ATP10A: variants seen among roughly 807,000 people sequenced by gnomAD.
The protein encoded by ATP10A is ATPase phospholipid transporting 10A (putative).
A neutral mutation model predicts 147.8 loss-of-function variants in ATP10A; 111 were observed. The ratio of observed to expected loss-of-function variants is 0.75; its 90% CI spans 0.64 to 0.88. The LOEUF is 0.88. ATP10A is among the 40% of genes least tolerant of loss of function. ATP10A has a pLI of 0.00. For missense variants in ATP10A, 1,927 were observed against 1,959.0 expected (o/e 0.98, Z 0.31); for synonymous variants, 875 against 841.6 (o/e 1.04, Z -0.69).
At chr15:25,719,233 C>T (rs17556078) in intron 7 of ATP10A, among the ~76,000 whole-genome samples, 18,456 of 152,096 alleles carry the variant, frequency 0.12, 1,248 homozygotes, top group Non-Finnish European at 0.13. Flanking sequence ...GTCAAGAGGC[C>T]GGAGAAGGAG....
At chr15:25,838,646 C>T (rs561452265) in intron 1 of ATP10A, among the ~76,000 whole-genome samples, 1 of 152,310 alleles carries the variant, frequency 6.6e-6, no homozygotes, top group South Asian at 2.1e-4. Flanking sequence ...TTTTGATTTT[C>T]TGCATCTTTA....
At chr15:25,792,620 C>T (rs867691323) in intron 1 of ATP10A, among the ~76,000 whole-genome samples, 6 of 152,200 alleles carry the variant, frequency 3.9e-5, no homozygotes, top group African/African-American at 9.7e-5. Context: ...CCCAACCCCC[C>T]AAGCACTGGC....
chr15:25,707,355 C>T (rs1433261609), intron 12 of ATP10A, among the ~76,000 whole-genome samples: 1 of 152,078 alleles, frequency 6.6e-6, no homozygotes, highest in East Asian at 1.9e-4. Context: ...GGACCATCCT[C>T]AACACCAGCT....
rs75567716 is a variant in ATP10A at position 25,719,206 on chromosome 15, C to T, written c.1364-807G>A. On this transcript the variant is annotated intron_variant, in intron 7 of 20. Coordinates refer to ENST00000555815, the MANE Select transcript of ATP10A (RefSeq NM_024490.4). ...TTCAAGCACAGGCATGGTGCTGAGTCAAAGCAGCAGGGGCCTGTCAAGAGG... is the reference window on the plus strand; with the variant it reads ...TTCAAGCACAGGCATGGTGCTGAGTTAAAGCAGCAGGGGCCTGTCAAGAGG... Among the ~76,000 whole-genome samples the T allele has an allele frequency of 2.7e-3, 409 of 152,248 alleles. 2 individuals carry two copies. Among genetic ancestry groups the T allele is most frequent in the African/African-American group, 9.4e-3 (389 of 41,548 alleles).
chr15:25,814,593 C>G (rs1417563279), intron 1 of ATP10A, among the ~76,000 whole-genome samples: 1 of 152,206 alleles, frequency 6.6e-6, no homozygotes, highest in East Asian at 1.9e-4. Context: ...TCTGTTTCTT[C>G]AAAATCGCTC....
intron 3 of ATP10A, among the ~76,000 whole-genome samples, chr15:25,733,417 C>CA (rs1371436703): frequency 2.3e-4 from 35 of 152,170 alleles, no homozygotes; most frequent in Non-Finnish European, 4.9e-4. Flanking sequence ...ACTCCAGCCC[C>CA]AGGGAGCACT....
intron 2 of ATP10A, among the ~76,000 whole-genome samples, chr15:25,761,657 A>T (rs1888762683): frequency 6.6e-6 from 1 of 152,228 alleles, no homozygotes; most frequent in African/African-American, 2.4e-5. Context: ...AGATTTAATG[A>T]CTGCCCTATG....
At chr15:25,839,720 T>G (rs936305509) in intron 1 of ATP10A, among the ~76,000 whole-genome samples, 1 of 152,306 alleles carries the variant, frequency 6.6e-6, no homozygotes, top group East Asian at 1.9e-4. Flanking sequence ...TCAATGGTCA[T>G]ATTTTAAGCT....
At position 25,692,025 on chromosome 15, in the gene ATP10A, G is replaced by A. The variant is rs146277120; in HGVS notation, c.3089-234C>T. 3.9e-3 allele frequency among the ~76,000 whole-genome samples: 599 copies of A among 152,218 alleles called. 2 individuals are homozygous for A. The highest frequency in any genetic ancestry group is 0.014 in the African/African-American group (567 of 41,544). ...AAAGCGGGCTGGAGCTGAGCCACCT[G>A]GTACATGGCGCCTGCTCTGCAGTGC... On this transcript the variant is annotated intron_variant, in intron 14 of 20. Coordinates refer to ENST00000555815, the MANE Select transcript of ATP10A (RefSeq NM_024490.4).
chr15:25,757,514 T>C (rs1888485523), intron 2 of ATP10A, among the ~76,000 whole-genome samples: 1 of 152,136 alleles, frequency 6.6e-6, no homozygotes, highest in Non-Finnish European at 1.5e-5. Context: ...TTCTATCTAA[T>C]TCAAAGGTTA....
At chr15:25,720,438 C>T (rs548891009) in intron 7 of ATP10A, among the ~76,000 whole-genome samples, 16 of 152,264 alleles carry the variant, frequency 1.1e-4, no homozygotes, top group Admixed American at 5.2e-4. Context: ...AACTGGGTCT[C>T]GGCTTTAAGG....
intron 3 of ATP10A, among the ~76,000 whole-genome samples, chr15:25,731,566 C>G (rs1902993112): frequency 6.6e-6 from 1 of 152,168 alleles, no homozygotes; most frequent in South Asian, 2.1e-4. Flanking sequence ...GCACAATCAG[C>G]AGGGTCAGGC....
intron 1 of ATP10A, among the ~76,000 whole-genome samples, chr15:25,819,892 A>G (rs7168379): frequency 0.35 from 53,747 of 151,808 alleles, 11,014 homozygotes; most frequent in African/African-American, 0.57. Context: ...AAGGATATAG[A>G]GTGTAAAATG....
chr15:25,735,960 G>T, intron 3 of ATP10A, 96 bp downstream of exon 3: 1 of 1,098,866 alleles, frequency 9.1e-7, no homozygotes, highest in Non-Finnish European at 1.4e-6. Flanking sequence ...GTGGCAAAGA[G>T]TATTAAATGC....
At chr15:25,864,714 A>T (rs1422111757), upstream of ATP10A, among the ~76,000 whole-genome samples, 1 of 152,130 alleles carries the variant, frequency 6.6e-6, no homozygotes, top group Admixed American at 6.5e-5. Flanking sequence ...ATTGTTGGGG[A>T]AAGGAGTCAG....
chr15:25,740,562 C>T (rs1032723889), intron 2 of ATP10A, among the ~76,000 whole-genome samples: 1 of 152,206 alleles, frequency 6.6e-6, no homozygotes, highest in Non-Finnish European at 1.5e-5. Flanking sequence ...ATCTGGATCC[C>T]GTTCTGAAAA....
chr15:25,694,112 A>T (rs1445717081), intron 14 of ATP10A, among the ~76,000 whole-genome samples: 3 of 152,184 alleles, frequency 2.0e-5, no homozygotes, highest in Non-Finnish European at 4.4e-5. Flanking sequence ...CCTGTGCTAG[A>T]GACTCTGCCT....
intron 1 of ATP10A, among the ~76,000 whole-genome samples, chr15:25,826,437 C>CTGTA (rs1351603214): frequency 6.6e-6 from 1 of 152,088 alleles, no homozygotes; most frequent in Non-Finnish European, 1.5e-5. Context: ...GAAGGTGCAC[C>CTGTA]TGTAGTCCCA....
At chr15:25,781,356 T>C (rs1380422933) in intron 1 of ATP10A, 133 bp from the exon 2 acceptor site, 6 of 788,080 alleles carry the variant, frequency 7.6e-6, no homozygotes, top group Non-Finnish European at 8.1e-6. Context: ...AATAAACAGG[T>C]GTTTTAAAAA....
Sources: allele counts gnomAD v4.1 joint callset (sites outside exome capture counted in the v4.1 genomes callset), GRCh38; gene constraint gnomAD v4.1.1; transcripts MANE v1.5; gene names NCBI Gene and HGNC (gene_info 2026-07-23, HGNC 2026-07-21).